Variants in ZNF423 observed in about 807,000 individuals in gnomAD.
The protein encoded by ZNF423 is Ebf-associated zinc finger protein.
In ZNF423, 12 loss-of-function variants were observed where a neutral mutation model predicts 95.8. The ratio of observed to expected loss-of-function variants is 0.13; its 90% confidence interval spans 0.08 to 0.20. ZNF423 has a LOEUF of 0.20. Among genes scored for constraint, ZNF423 ranks in the 10% least tolerant of loss-of-function variants. The pLI is 1.00. For missense variants in ZNF423, 1,316 were observed against 1,737.1 expected (o/e 0.76, Z 4.31); for synonymous variants, 749 against 711.9 (o/e 1.05, Z -0.83).
intron 1 of ZNF423, chr16:49,854,714 G>A (rs1169720914): frequency 5.1e-6 from 5 of 985,362 alleles, no homozygotes; most frequent in East Asian, 2.3e-4. Flanking sequence ...GAGGCCAGGG[G>A]AGGGGCTCTG....
At chr16:49,783,192 C>T (rs1407286401) in intron 2 of ZNF423, among the ~76,000 whole-genome samples, 1 of 151,836 alleles carries the variant, frequency 6.6e-6, no homozygotes, top group African/African-American at 2.4e-5. Flanking sequence ...CCCTGCCAGG[C>T]TGGGATGGGC....
chr16:49,757,628 GA>G (rs1278862971), intron 2 of ZNF423, among the ~76,000 whole-genome samples: 1 of 152,196 alleles, frequency 6.6e-6, no homozygotes, highest in Admixed American at 6.5e-5. Flanking sequence ...AACCAAGCCA[GA>G]CACGTGACCA....
intron 3 of ZNF423, among the ~76,000 whole-genome samples, chr16:49,704,545 T>C (rs1222253284): frequency 2.6e-5 from 4 of 152,190 alleles, no homozygotes; most frequent in African/African-American, 9.7e-5. Context: ...CTGTGAGCTC[T>C]GTGAGAGCAG....
intron 1 of ZNF423, among the ~76,000 whole-genome samples, chr16:49,846,219 G>C (rs1239422488): frequency 6.7e-6 from 1 of 149,766 alleles, no homozygotes; most frequent in Non-Finnish European, 1.5e-5. Flanking sequence ...GGAATTGCTT[G>C]AGCCTGGGAG....
intron 3 of ZNF423, among the ~76,000 whole-genome samples, chr16:49,724,524 C>T (rs919154423): frequency 3.9e-5 from 6 of 152,312 alleles, no homozygotes; most frequent in African/African-American, 1.2e-4. Flanking sequence ...AGAGCCAGTT[C>T]GAGGAGCGCC....
At chr16:49,804,020 C>T (rs1277943723) in intron 1 of ZNF423, among the ~76,000 whole-genome samples, 17 of 151,104 alleles carry the variant, frequency 1.1e-4, no homozygotes, top group African/African-American at 3.6e-4. Context: ...ACTGCATCCT[C>T]CACCTCCCGG....
chr16:49,529,439 T>G (rs1968755661), intron 5 of ZNF423, among the ~76,000 whole-genome samples: 1 of 152,320 alleles, frequency 6.6e-6, no homozygotes, highest in African/African-American at 2.4e-5. Flanking sequence ...ATTTTACACT[T>G]CATTTCTCAA....
chr16:49,783,859 A>G (rs1209714355), intron 2 of ZNF423, among the ~76,000 whole-genome samples: 1 of 151,644 alleles, frequency 6.6e-6, no homozygotes, highest in Non-Finnish European at 1.5e-5. Flanking sequence ...AGTCCCAGCT[A>G]CTCGGGAGGC....
intron 7 of ZNF423, among the ~76,000 whole-genome samples, chr16:49,495,003 G>A (rs1967104375): frequency 6.6e-6 from 1 of 152,182 alleles, no homozygotes; most frequent in Non-Finnish European, 1.5e-5. Flanking sequence ...TTTTAAAGAT[G>A]CTACCCACCC....
chr16:49,733,273 C>G (rs1041545155), intron 2 of ZNF423, among the ~76,000 whole-genome samples: 2 of 152,186 alleles, frequency 1.3e-5, no homozygotes, highest in African/African-American at 4.8e-5. Flanking sequence ...GCTTTATCTA[C>G]TACACCGACC....
chr16:49,690,952 G>A (rs1002612558), intron 3 of ZNF423, among the ~76,000 whole-genome samples: 1 of 152,202 alleles, frequency 6.6e-6, no homozygotes, highest in South Asian at 2.1e-4. Context: ...CCGCAGGCCT[G>A]GGGAGCGTGT....
chr16:49,853,960 A>C, intron 1 of ZNF423: 2 of 985,410 alleles, frequency 2.0e-6, no homozygotes, highest in Non-Finnish European at 2.4e-6. Flanking sequence ...CCAATTCCAC[A>C]TTTTCTTCTG....
chr16:49,672,710 C>A (rs530512421), intron 3 of ZNF423, among the ~76,000 whole-genome samples: 2 of 152,082 alleles, frequency 1.3e-5, no homozygotes, highest in South Asian at 4.2e-4. Context: ...CAGCTACTCG[C>A]GAGGCTGAGG....
rs956877960 is a variant in ZNF423 at position 49,562,786 on chromosome 16, A to AT, written c.3602-37293dup. The stretch of plus-strand genomic sequence containing the variant: ...TTAAATGCCCAGCATAGCTGTAAGC[A>AT]TTTTTTTTTTTGAGATGGAGTCTTG... On this transcript the variant is annotated intron_variant, in intron 5 of 7. Coordinates refer to ENST00000563137, the MANE Select transcript of ZNF423 (RefSeq NM_001379286.1). Among the ~76,000 whole-genome samples, 808 of 148,672 alleles carry AT rather than the reference A, an allele frequency of 5.4e-3. 6 individuals are homozygous for AT. The highest frequency in any genetic ancestry group is 0.015 in the African/African-American group (594 of 40,714).
rs1042660720 is a variant in ZNF423, at chr16:49,525,553, C to T, written c.3602-59G>A. On this transcript the variant is annotated intron_variant, in intron 5 of 7. Transcript: ENST00000563137. ...GCATGCCATGTCCCCCAGACAGGTGCTCACAAGGCCTCCCATAGACCCCAG... is the reference window on the plus strand; with the variant it reads ...GCATGCCATGTCCCCCAGACAGGTGTTCACAAGGCCTCCCATAGACCCCAG... 7 of 1,604,570 alleles carry T rather than the reference C, an allele frequency of 4.4e-6. No individual in the cohort carries two copies. The Admixed American group carries it at 1.0e-4, about 23-fold the overall frequency.
intron 7 of ZNF423, among the ~76,000 whole-genome samples, chr16:49,511,359 G>A (rs1967888867): frequency 6.6e-6 from 1 of 152,188 alleles, no homozygotes; most frequent in Admixed American, 6.5e-5. Flanking sequence ...GGCTTCTAAG[G>A]GCTTTGAGAG....
At chr16:49,711,577 T>C (rs2032545421) in intron 3 of ZNF423, 1 of 152,210 alleles carries the variant, frequency 6.6e-6, no homozygotes, top group South Asian at 2.1e-4. Flanking sequence ...CACCATTATT[T>C]TACAGACCAC....
chr16:49,659,952 G>C (rs748688372), intron 3 of ZNF423, among the ~76,000 whole-genome samples: 6 of 152,244 alleles, frequency 3.9e-5, no homozygotes, highest in Non-Finnish European at 8.8e-5. Flanking sequence ...GCACACTTTA[G>C]TCAGGCCACT....
intron 5 of ZNF423, among the ~76,000 whole-genome samples, chr16:49,588,739 T>C (rs962379390): frequency 2.6e-5 from 4 of 152,212 alleles, no homozygotes; most frequent in Admixed American, 6.5e-5. Context: ...TCCTATATCT[T>C]TTAAAATATC....
Sources: allele counts gnomAD v4.1 joint callset (sites outside exome capture counted in the v4.1 genomes callset), GRCh38; gene constraint gnomAD v4.1.1; transcripts MANE v1.5; gene names NCBI Gene and HGNC (gene_info 2026-07-23, HGNC 2026-07-21).